SHISAL1: variants seen among roughly 807,000 people sequenced by gnomAD.
SHISAL1 encodes the protein protein shisa-like-1.
In SHISAL1, 9 loss-of-function variants were observed where a neutral mutation model predicts 22.6. The ratio of observed to expected loss-of-function variants is 0.40; its 90% CI spans 0.24 to 0.70. The LOEUF (loss-of-function observed/expected upper bound fraction) is 0.70. SHISAL1 is among the 30% of genes least tolerant of loss of function. SHISAL1 has a pLI of 0.39. For missense variants in SHISAL1, 246 were observed against 270.6 expected, an observed-to-expected ratio of 0.91 and a Z score of 0.64; for synonymous variants, 119 against 115.4, an observed-to-expected ratio of 1.03 and a Z score of -0.20.
At chr22:44,291,761 G>C (rs1412256021) in intron 3 of SHISAL1, among the ~76,000 whole-genome samples, 1 of 151,586 alleles carries the variant, frequency 6.6e-6, no homozygotes, top group East Asian at 2.0e-4. Context: ...CTCCTCCAGA[G>C]AGACTTTCCC....
chr22:44,283,554 G>A (rs983720651), intron 4 of SHISAL1, among the ~76,000 whole-genome samples: 14 of 152,240 alleles, frequency 9.2e-5, no homozygotes, highest in Admixed American at 2.0e-4. Context: ...GCACAGTGAC[G>A]TAGGAAATGG....
chr22:44,268,476 T>TG (rs1231900004), intron 4 of SHISAL1, among the ~76,000 whole-genome samples: 1 of 152,074 alleles, frequency 6.6e-6, no homozygotes, highest in Non-Finnish European at 1.5e-5. Context: ...AAGGGGAAAG[T>TG]GAGGCTGAGG....
chr22:44,312,203 G>GTTCA (rs944505304), intron 1 of SHISAL1, among the ~76,000 whole-genome samples: 27 of 152,096 alleles, frequency 1.8e-4, no homozygotes, highest in East Asian at 5.8e-4. Flanking sequence ...TCATTTGTTC[G>GTTCA]TTCATTCATT....
chr22:44,321,757 C>T, the SHISAL1 span, among the ~76,000 whole-genome samples: 228 of 152,286 alleles, frequency 1.5e-3, 2 homozygotes, highest in African/African-American at 5.2e-3. Context: ...GGAAGCGGGA[C>T]CAACCCCAGC....
At chr22:44,252,861 G>T (rs1335133295) in intron 4 of SHISAL1, among the ~76,000 whole-genome samples, 1 of 151,936 alleles carries the variant, frequency 6.6e-6, no homozygotes, top group African/African-American at 2.4e-5. Context: ...CGGGCGTGGT[G>T]GTGGGTGCCT....
chr22:44,306,298 TCAGGGAGC>T (rs1332039314), intron 1 of SHISAL1, among the ~76,000 whole-genome samples: 23 of 111,114 alleles, frequency 2.1e-4, no homozygotes, highest in Non-Finnish European at 3.7e-4. Context: ...GGACCTGGGC[TCAGGGAGC>T]TGTGATGACG....
chr22:44,267,763 G>T (rs2055174383), intron 4 of SHISAL1, among the ~76,000 whole-genome samples: 1 of 152,228 alleles, frequency 6.6e-6, no homozygotes, highest in South Asian at 2.1e-4. Context: ...CAGTGCCTCT[G>T]CACGTGCTAT....
intron 1 of SHISAL1, among the ~76,000 whole-genome samples, chr22:44,307,481 T>G (rs1340498678): frequency 6.6e-6 from 1 of 152,176 alleles, no homozygotes. Flanking sequence ...AGAAAGCACA[T>G]TTACCAGAGA....
intron 4 of SHISAL1, among the ~76,000 whole-genome samples, chr22:44,277,274 T>C (rs2055246512): frequency 6.6e-6 from 1 of 152,058 alleles, no homozygotes; most frequent in Non-Finnish European, 1.5e-5. Flanking sequence ...CCGCGTTTCC[T>C]CTCATTTAAG....
chr22:44,251,448 A>G (rs956905669), intron 4 of SHISAL1, among the ~76,000 whole-genome samples: 2 of 152,224 alleles, frequency 1.3e-5, no homozygotes, highest in African/African-American at 4.8e-5. Flanking sequence ...AAGGATGGGC[A>G]GATGATTTTT....
chr22:44,255,292 C>A (rs2055077003), intron 4 of SHISAL1, among the ~76,000 whole-genome samples: 1 of 152,112 alleles, frequency 6.6e-6, no homozygotes, highest in East Asian at 1.9e-4. Context: ...ATTCTGATGG[C>A]CAACGTGTCT....
At position 44,285,595 on chromosome 22, in the gene SHISAL1, C is replaced by T. The variant is rs2055308836; in HGVS notation, c.432G>A (p.Gln144=). The T allele has an allele frequency of 4.3e-6, 7 of 1,614,060 alleles. No individual in the cohort carries two copies. Among genetic ancestry groups the T allele is most frequent in the Non-Finnish European group, 5.9e-6 (7 of 1,179,906 alleles). Residue 144 remains glutamine (Q), a synonymous_variant, in exon 4 of 5, where the codon CAG becomes CAA. Transcript: ENST00000381176. Reference sequence around the variant, plus strand: ...CGGGGTTCCCCCACCGCCGGGGGTCCTGTTTCATCCATCGTCCTTGGATGC... The same window carrying T: ...CGGGGTTCCCCCACCGCCGGGGGTCTTGTTTCATCCATCGTCCTTGGATGC... ...RWGIQGRWMK[Q]DPRRWGNPAR...
At chr22:44,253,425 ATGTTTTT>A (rs200792162) in intron 4 of SHISAL1, among the ~76,000 whole-genome samples, 14,364 of 107,730 alleles carry the variant, frequency 0.13, 831 homozygotes, top group South Asian at 0.16. Context: ...GTATTAGTGC[ATGTTTTT>A]TTTTTTTTTT....
rs1439484609 is a variant in SHISAL1 at position 44,285,528 on chromosome 22, G to C, written c.499C>G (p.Pro167Ala). 1.9e-6 allele frequency: 3 copies of C among 1,613,192 alleles called. No homozygotes were observed. The African/African-American group carries it at 4.0e-5, about 22-fold the overall frequency. Reference sequence around the variant, plus strand: ...GCTTGTGGCAGCGGGCCTGGGGGAGGCTGCGGCTGTGGGGCCCGCTGACCC... The same window carrying C: ...GCTTGTGGCAGCGGGCCTGGGGGAGCCTGCGGCTGTGGGGCCCGCTGACCC... ...RPGQRAPQPQ[P>A]PPGPLPQAPQ... Residue 167 changes from proline (P) to alanine (A), a missense_variant, in exon 4 of 5, where the codon CCT becomes GCT. Coordinates refer to ENST00000381176, the MANE Select transcript of SHISAL1 (RefSeq NM_001099294.2).
intron 3 of SHISAL1, among the ~76,000 whole-genome samples, chr22:44,290,523 C>T (rs2055345101): frequency 9.7e-6 from 1 of 103,344 alleles, no homozygotes. Context: ...GAGGGAAACT[C>T]AGTCTCAAAA....
chr22:44,292,270 T>G (rs9614226), intron 3 of SHISAL1, among the ~76,000 whole-genome samples: 147,468 of 152,236 alleles, frequency 0.97, 71,465 homozygotes, highest in East Asian at 1. Flanking sequence ...AGTCACATTG[T>G]CCTAGTCCAT....
chr22:44,288,627 C>T (rs544612733), intron 3 of SHISAL1, among the ~76,000 whole-genome samples: 9 of 152,238 alleles, frequency 5.9e-5, no homozygotes, highest in East Asian at 1.9e-4. Flanking sequence ...GGTGACAGAG[C>T]GAGACTCCGT....
intron 4 of SHISAL1, among the ~76,000 whole-genome samples, chr22:44,262,948 C>T (rs1195590338): frequency 6.6e-6 from 1 of 152,176 alleles, no homozygotes; most frequent in African/African-American, 2.4e-5. Flanking sequence ...AGGCACAACA[C>T]GCCTCATTCC....
intron 1 of SHISAL1, among the ~76,000 whole-genome samples, chr22:44,312,250 G>C: frequency 6.6e-6 from 1 of 152,204 alleles, no homozygotes; most frequent in East Asian, 1.9e-4. Context: ...GTACCGGTGT[G>C]ATGCTGGACT....
Sources: allele counts gnomAD v4.1 joint callset (sites outside exome capture counted in the v4.1 genomes callset), GRCh38; gene constraint gnomAD v4.1.1; transcripts MANE v1.5; gene names NCBI Gene and HGNC (gene_info 2026-07-23, HGNC 2026-07-21).